DDX10: variants seen among roughly 807,000 people sequenced by gnomAD.
DDX10 encodes DEAD-box helicase 10, also known as probable ATP-dependent RNA helicase DDX10.
DDX10 carries 74 observed loss-of-function variants against 104.3 expected under a neutral mutation model. The ratio of observed to expected loss-of-function variants is 0.71; its 90% CI spans 0.59 to 0.86. DDX10 has a LOEUF of 0.86. Ranked by LOEUF, DDX10 falls within the 40% of genes least tolerant of loss-of-function variation. DDX10 has a pLI of 0.00. For synonymous variants in DDX10, 351 were observed against 353.4 expected, an observed-to-expected ratio of 0.99 and a Z score of 0.08; for missense variants, 952 against 1,040.0, an observed-to-expected ratio of 0.92 and a Z score of 1.16.
intron 15 of DDX10, among the ~76,000 whole-genome samples, chr11:108,842,526 T>C (rs1044737719): frequency 6.6e-6 from 1 of 152,206 alleles, no homozygotes; most frequent in African/African-American, 2.4e-5. Context: ...TATTTTAATA[T>C]TTGATGCAGC....
At chr11:108,806,677 G>A (rs1426899364) in intron 13 of DDX10, among the ~76,000 whole-genome samples, 1 of 152,178 alleles carries the variant, frequency 6.6e-6, no homozygotes, top group Non-Finnish European at 1.5e-5. Context: ...TGGCCAGCAA[G>A]GGCCTCTCTC....
intron 17 of DDX10, among the ~76,000 whole-genome samples, chr11:108,933,385 G>C (rs1181261192): frequency 6.7e-6 from 1 of 150,092 alleles, no homozygotes; most frequent in African/African-American, 2.5e-5. Flanking sequence ...GTCAGAAAGA[G>C]GACTTAGAAT....
chr11:108,875,880 T>C (rs1863147433), intron 16 of DDX10, among the ~76,000 whole-genome samples: 2 of 152,144 alleles, frequency 1.3e-5, no homozygotes, highest in South Asian at 4.2e-4. Context: ...TATCTGTGGG[T>C]TTCACTGTTT....
At chr11:108,739,113 C>T (rs953934979) in intron 13 of DDX10, among the ~76,000 whole-genome samples, 1 of 152,180 alleles carries the variant, frequency 6.6e-6, no homozygotes, top group African/African-American at 2.4e-5. Context: ...GTATGCTATC[C>T]AGACATCCAT....
At chr11:108,774,891 C>G (rs2094367907) in intron 13 of DDX10, among the ~76,000 whole-genome samples, 1 of 152,146 alleles carries the variant, frequency 6.6e-6, no homozygotes, top group South Asian at 2.1e-4. Flanking sequence ...TGTCTCTGCC[C>G]TTACTGAGCT....
At position 108,723,136 on chromosome 11, in the gene DDX10, G is replaced by T. The variant is rs1335887851; in HGVS notation, c.1639G>T (p.Glu547Ter). The change falls in exon 13 of 18, where the codon GAA (glutamate) becomes TAA (stop). Residue 547 changes from glutamate (E) to a stop codon, truncating the protein, a stop_gained. Coordinates refer to ENST00000322536, the MANE Select transcript of DDX10 (RefSeq NM_004398.4). LOFTEE classifies it high-confidence loss of function. ...CTCCCTCACCAATGACGAAGTGGAA[G>T]AATTTAGAGCCTACTTCAATGAGAA... ...APSLTNDEVE[E>*]FRAYFNEKMS... 1 of 1,613,860 alleles carries T rather than the reference G, an allele frequency of 6.2e-7. No individual in the cohort carries two copies. Among genetic ancestry groups the T allele is most frequent in the African/African-American group, 1.3e-5 (1 of 75,036 alleles).
At chr11:108,923,034 A>G (rs1424223962) in intron 17 of DDX10, among the ~76,000 whole-genome samples, 1 of 152,156 alleles carries the variant, frequency 6.6e-6, no homozygotes, top group Non-Finnish European at 1.5e-5. Flanking sequence ...TCCATCTTAT[A>G]TATTGGTATA....
At chr11:108,817,373 C>T (rs762607376) in intron 13 of DDX10, among the ~76,000 whole-genome samples, 4 of 152,178 alleles carry the variant, frequency 2.6e-5, no homozygotes, top group Non-Finnish European at 4.4e-5. Flanking sequence ...TGTGCCTTTG[C>T]ACTACTGTTT....
At chr11:108,716,869 T>C (rs185530502) in intron 11 of DDX10, among the ~76,000 whole-genome samples, 4 of 152,346 alleles carry the variant, frequency 2.6e-5, no homozygotes, top group Admixed American at 2.6e-4. Flanking sequence ...TGAAGCTAAC[T>C]AGCATAGGTA....
intron 16 of DDX10, among the ~76,000 whole-genome samples, chr11:108,887,140 G>C (rs1863307850): frequency 6.6e-6 from 1 of 152,078 alleles, no homozygotes. Flanking sequence ...TTTTAATAGA[G>C]AAAAGGAAAA....
chr11:108,738,678 CAG>C (rs2094321292), intron 13 of DDX10, among the ~76,000 whole-genome samples: 2 of 152,116 alleles, frequency 1.3e-5, no homozygotes, highest in Non-Finnish European at 2.9e-5. Context: ...TGTTTTATGA[CAG>C]AAATTTCAGA....
At chr11:108,881,997 C>G (rs181233765) in intron 16 of DDX10, among the ~76,000 whole-genome samples, 1 of 152,062 alleles carries the variant, frequency 6.6e-6, no homozygotes, top group African/African-American at 2.4e-5. Context: ...AGTAGGAGAT[C>G]CCTAACAAAT....
At position 108,677,286 on chromosome 11, in the gene DDX10, A is replaced by G. The variant is rs974988999; in HGVS notation, c.537+43A>G. 1.2e-5 allele frequency: 19 copies of G among 1,561,468 alleles called. No individual in the cohort carries two copies. The East Asian group carries it at 4.3e-4, about 35-fold the overall frequency. On this transcript the variant is annotated intron_variant, in intron 4 of 17. Coordinates refer to ENST00000322536, the MANE Select transcript of DDX10 (RefSeq NM_004398.4). The stretch of plus-strand genomic sequence containing the variant: ...TGTCCTTCCTTTCCTTCTGTAACCT[A>G]TACTGGAGTACTGTGGCCGATGACA...
chr11:108,874,292 C>T (rs1338677046), intron 16 of DDX10, among the ~76,000 whole-genome samples: 1 of 152,104 alleles, frequency 6.6e-6, no homozygotes, highest in Non-Finnish European at 1.5e-5. Flanking sequence ...ACAGAATGAG[C>T]CCCCTCATGA....
At position 108,930,344 on chromosome 11, in the gene DDX10, T is replaced by C. The variant is rs987146984; in HGVS notation, c.2451-9902T>C. ...TGTGGCTTGATAGCTCATTTCTTTTTATCACTGAATAATATTCCATTGTAT... is the reference window on the plus strand; with the variant it reads ...TGTGGCTTGATAGCTCATTTCTTTTCATCACTGAATAATATTCCATTGTAT... On this transcript the variant is annotated intron_variant, in intron 17 of 17. Transcript: ENST00000322536. 3.3e-5 allele frequency among the ~76,000 whole-genome samples: 5 copies of C among 152,252 alleles called. No homozygotes were observed. In the South Asian group the frequency reaches 8.3e-4, roughly 25 times the overall value.
chr11:108,894,833 C>T (rs1188764367), intron 16 of DDX10, among the ~76,000 whole-genome samples: 1 of 151,882 alleles, frequency 6.6e-6, no homozygotes, highest in Non-Finnish European at 1.5e-5. Context: ...TTTTATAACT[C>T]ATTCTCATTT....
chr11:108,830,571 T>A (rs992645467), intron 13 of DDX10, among the ~76,000 whole-genome samples: 2 of 152,230 alleles, frequency 1.3e-5, no homozygotes, highest in African/African-American at 4.8e-5. Flanking sequence ...TGGCTAAGAC[T>A]TCTAGTACTG....
chr11:108,885,070 C>A (rs1379473340), intron 16 of DDX10, among the ~76,000 whole-genome samples: 1 of 152,130 alleles, frequency 6.6e-6, no homozygotes, highest in African/African-American at 2.4e-5. Flanking sequence ...CATTTACAGA[C>A]ATTCTAATCT....
chr11:108,856,146 T>C (rs1430280013), intron 16 of DDX10, among the ~76,000 whole-genome samples: 2 of 152,164 alleles, frequency 1.3e-5, no homozygotes, highest in Non-Finnish European at 2.9e-5. Context: ...TTTAAAACTC[T>C]AGGCCGGGCA....
Sources: allele counts gnomAD v4.1 joint callset (sites outside exome capture counted in the v4.1 genomes callset), GRCh38; gene constraint gnomAD v4.1.1; transcripts MANE v1.5; gene names NCBI Gene and HGNC (gene_info 2026-07-23, HGNC 2026-07-21).